DDHD1: variants seen among roughly 807,000 people sequenced by gnomAD.
DDHD1 encodes phospholipase DDHD1.
In DDHD1, 49 loss-of-function variants were observed where a neutral mutation model predicts 96.4. That is an observed-to-expected ratio of 0.51 (90% CI 0.40 to 0.64). DDHD1 has a LOEUF of 0.64. Ranked by LOEUF, DDHD1 falls within the 30% of genes least tolerant of loss-of-function variation. DDHD1 has a pLI of 0.00. For synonymous variants in DDHD1, 442 were observed against 446.5 expected (o/e 0.99, Z 0.13); for missense variants, 1,106 against 1,161.2 (o/e 0.95, Z 0.69).
At chr14:53,098,690 C>T (rs898207579) in intron 2 of DDHD1, among the ~76,000 whole-genome samples, 7 of 152,088 alleles carry the variant, frequency 4.6e-5, no homozygotes, top group Admixed American at 4.6e-4. Context: ...ACCCCTCCAT[C>T]TTTTTAATCG....
intron 6 of DDHD1, among the ~76,000 whole-genome samples, chr14:53,070,649 T>C (rs779339226): frequency 2.6e-5 from 4 of 152,174 alleles, no homozygotes; most frequent in Non-Finnish European, 5.9e-5. Flanking sequence ...GTCATTTTAC[T>C]AGCTTATAAA....
rs537073657 is a variant in DDHD1, at chr14:53,062,030, G to A, written c.1767-829C>T. 4.3e-3 allele frequency among the ~76,000 whole-genome samples: 454 copies of A among 104,408 alleles called. 2 individuals are homozygous for A. The highest frequency in any genetic ancestry group is 0.018 in the Middle Eastern group (2 of 112). The allele number at this position is 104,408 out of a possible 152,430, so 68.5% of individuals were successfully genotyped here. On this transcript the variant is annotated intron_variant, in intron 7 of 12. Coordinates refer to ENST00000673822, the MANE Select transcript of DDHD1 (RefSeq NM_001160148.2). ...AGCCTGGGCAACAGAGCAAGACTCCGTCTCCAAAAAAAAAAAAAAAAAAAA... is the reference window on the plus strand; with the variant it reads ...AGCCTGGGCAACAGAGCAAGACTCCATCTCCAAAAAAAAAAAAAAAAAAAA...
intron 1 of DDHD1, among the ~76,000 whole-genome samples, chr14:53,113,270 C>T (rs752693721): frequency 8.0e-5 from 12 of 150,554 alleles, no homozygotes; most frequent in Non-Finnish European, 1.6e-4. Context: ...GCCTGGCCAT[C>T]TTTCACTATT....
At chr14:53,079,028 A>T (rs1341682765) in intron 4 of DDHD1, among the ~76,000 whole-genome samples, 2 of 151,806 alleles carry the variant, frequency 1.3e-5, no homozygotes, top group Non-Finnish European at 2.9e-5. Context: ...AAAAATGTTG[A>T]CCCAATCTTG....
At chr14:53,110,007 GAACAA>G (rs1292010009) in intron 1 of DDHD1, among the ~76,000 whole-genome samples, 1 of 152,084 alleles carries the variant, frequency 6.6e-6, no homozygotes. Flanking sequence ...GAAAAAAATT[GAACAA>G]AACAAAACAC....
At chr14:53,123,436 C>A (rs1461565133) in intron 1 of DDHD1, among the ~76,000 whole-genome samples, 2 of 152,122 alleles carry the variant, frequency 1.3e-5, no homozygotes, top group East Asian at 3.9e-4. Flanking sequence ...GCATGAGCCA[C>A]CGCACCTGGC....
At chr14:53,074,331 T>A (rs1316429867) in intron 4 of DDHD1, among the ~76,000 whole-genome samples, 2 of 151,812 alleles carry the variant, frequency 1.3e-5, no homozygotes, top group African/African-American at 2.4e-5. Context: ...AGATTTGTGA[T>A]TAGTATTACA....
At chr14:53,074,687 A>G (rs1010990464) in intron 4 of DDHD1, among the ~76,000 whole-genome samples, 1 of 152,132 alleles carries the variant, frequency 6.6e-6, no homozygotes, top group African/African-American at 2.4e-5. Context: ...ATTGGAAGAC[A>G]TGTCTCTACT....
In DDHD1 at chr14:53,103,593, AATT is replaced by A. The variant is rs578137504; in HGVS notation, c.1012+87_1012+89del. ...AAATTTTCTAATTCTAAACCTCCTG[AATT>A]ATTATGTCAAATTTACAAACCACTC... is the stretch of plus-strand genomic sequence containing the variant. On this transcript the variant is annotated intron_variant, in intron 2 of 12. Transcript: ENST00000673822. 1.2e-3 allele frequency: 1,308 copies of A among 1,092,898 alleles called. 10 individuals carry two copies. The African/African-American group carries it at 0.02, about 17-fold the overall frequency. 67.7% of individuals were successfully genotyped at this position (1,092,898 alleles called of 1,614,324 possible). A position where few individuals can be genotyped will look rare whatever the true frequency, so the allele number is the denominator to read the frequency against.
intron 6 of DDHD1, among the ~76,000 whole-genome samples, chr14:53,064,409 T>C (rs1287696190): frequency 1.3e-5 from 2 of 152,200 alleles, no homozygotes; most frequent in African/African-American, 4.8e-5. Context: ...TCTTTTTGTT[T>C]TTATAAAATA....
chr14:53,126,838 C>T (rs972886079), intron 1 of DDHD1, among the ~76,000 whole-genome samples: 2 of 152,026 alleles, frequency 1.3e-5, no homozygotes, highest in African/African-American at 2.4e-5. Context: ...AAACAATTCA[C>T]GTTACAAAAG....
At chr14:53,087,707 C>T (rs1886096461) in intron 4 of DDHD1, among the ~76,000 whole-genome samples, 1 of 152,082 alleles carries the variant, frequency 6.6e-6, no homozygotes, top group African/African-American at 2.4e-5. Context: ...CAAGAGAAAG[C>T]AGAAAAGATC....
chr14:53,084,515 T>C (rs1420192865), intron 4 of DDHD1, among the ~76,000 whole-genome samples: 1 of 152,160 alleles, frequency 6.6e-6, no homozygotes, highest in African/African-American at 2.4e-5. Flanking sequence ...CGGGAAGTAA[T>C]ACATAATTCA....
At chr14:53,061,865 C>T in intron 7 of DDHD1, among the ~76,000 whole-genome samples, 1 of 151,896 alleles carries the variant, frequency 6.6e-6, no homozygotes, top group Non-Finnish European at 1.5e-5. Context: ...GAAATCTCAT[C>T]TCTACTAAAA....
intron 4 of DDHD1, among the ~76,000 whole-genome samples, chr14:53,077,778 A>G (rs1348292914): frequency 6.6e-6 from 1 of 151,892 alleles, no homozygotes; most frequent in Non-Finnish European, 1.5e-5. Flanking sequence ...AAGAAACACC[A>G]TACCCATTAG....
At chr14:53,129,589 T>G (rs113346587) in intron 1 of DDHD1, among the ~76,000 whole-genome samples, 2,966 of 149,440 alleles carry the variant, frequency 0.02, 107 homozygotes, top group African/African-American at 0.073. Flanking sequence ...ACCTTCACGT[T>G]GGTGGCAAGT....
chr14:53,112,637 T>TA (rs1178597363), intron 1 of DDHD1, among the ~76,000 whole-genome samples: 1 of 152,218 alleles, frequency 6.6e-6, no homozygotes, highest in Non-Finnish European at 1.5e-5. Flanking sequence ...TCAATCTGCT[T>TA]AAAAATATAC....
At chr14:53,077,710 CAA>C (rs1235111743) in intron 4 of DDHD1, among the ~76,000 whole-genome samples, 3 of 142,120 alleles carry the variant, frequency 2.1e-5, no homozygotes, top group African/African-American at 8.0e-5. Flanking sequence ...TTAGTATATT[CAA>C]AGAGTTATGC....
chr14:53,066,212 C>T (rs371224956), intron 6 of DDHD1, among the ~76,000 whole-genome samples: 7 of 152,056 alleles, frequency 4.6e-5, no homozygotes, highest in Non-Finnish European at 7.4e-5. Flanking sequence ...AGTGTGGTGG[C>T]GTGATCTCAG....
Sources: gnomAD v4.1 joint callset for allele counts (sites outside exome capture counted in the v4.1 genomes callset) on GRCh38, gnomAD v4.1.1 for gene constraint, MANE v1.5 for transcripts, NCBI Gene and HGNC (gene_info 2026-07-23, HGNC 2026-07-21) for gene names.